Variants in CLVS1 observed in about 807,000 individuals in gnomAD.
CLVS1 encodes the protein clavesin-1.
Under a neutral mutation model 33.1 loss-of-function variants are expected in CLVS1, and 10 were observed. That is an observed-to-expected ratio of 0.30 (90% CI 0.19 to 0.51). CLVS1 has a LOEUF of 0.51. Ranked by LOEUF, CLVS1 falls within the 20% of genes least tolerant of loss-of-function variation. The pLI, the probability that CLVS1 is intolerant of heterozygous loss-of-function variation, is 0.97. For synonymous variants in CLVS1, 163 were observed against 166.1 expected (o/e 0.98, Z 0.14); for missense variants, 343 against 433.4 (o/e 0.79, Z 1.85).
At chr8:61,322,656 G>A (rs760744982) in intron 2 of CLVS1, among the ~76,000 whole-genome samples, 62 of 152,120 alleles carry the variant, frequency 4.1e-4, no homozygotes, top group Non-Finnish European at 4.7e-4. Context: ...AGATAGGGCA[G>A]CTCTTACTTT....
intron 1 of CLVS1, among the ~76,000 whole-genome samples, chr8:61,079,718 A>G (rs1032462616): frequency 6.6e-6 from 1 of 152,026 alleles, no homozygotes; most frequent in Non-Finnish European, 1.5e-5. Flanking sequence ...TAAAACATCT[A>G]CCTCTTCAAA....
chr8:61,453,806 C>T (rs1019535168), intron 3 of CLVS1, among the ~76,000 whole-genome samples: 1 of 152,082 alleles, frequency 6.6e-6, no homozygotes, highest in Non-Finnish European at 1.5e-5. Flanking sequence ...CGTTACCTAA[C>T]GCAATGAAGA....
intron 2 of CLVS1, among the ~76,000 whole-genome samples, chr8:61,274,810 G>A (rs1300104577): frequency 2.0e-5 from 3 of 152,136 alleles, no homozygotes; most frequent in African/African-American, 7.2e-5. Flanking sequence ...ATTAACACTT[G>A]TAGTTTCTTA....
the CLVS1 span, among the ~76,000 whole-genome samples, chr8:61,026,531 T>A: frequency 6.6e-6 from 1 of 152,282 alleles, no homozygotes; most frequent in Admixed American, 6.5e-5. Context: ...AGATGTGGTG[T>A]GCTTTGGGAA....
At chr8:61,175,008 G>C (rs1807087083) in intron 2 of CLVS1, among the ~76,000 whole-genome samples, 1 of 122,894 alleles carries the variant, frequency 8.1e-6, no homozygotes, top group African/African-American at 3.1e-5. Flanking sequence ...GAATTTTTTT[G>C]GTTGCTTCTG....
intron 1 of CLVS1, among the ~76,000 whole-genome samples, chr8:61,089,534 T>G (rs1805191026): frequency 6.6e-6 from 1 of 152,172 alleles, no homozygotes; most frequent in Non-Finnish European, 1.5e-5. Context: ...ATGGTTTGAT[T>G]ACTGCTTCTT....
At chr8:61,090,281 C>T (rs1805212912) in intron 1 of CLVS1, among the ~76,000 whole-genome samples, 1 of 152,182 alleles carries the variant, frequency 6.6e-6, no homozygotes, top group South Asian at 2.1e-4. Context: ...TGCTTTATAA[C>T]ACAGTCAAGT....
intron 1 of CLVS1, among the ~76,000 whole-genome samples, chr8:61,116,611 C>G (rs955187712): frequency 6.6e-6 from 1 of 152,006 alleles, no homozygotes; most frequent in African/African-American, 2.4e-5. Context: ...TTCCCAGCAC[C>G]ATTTATTAAA....
At chr8:60,973,244 T>A in the CLVS1 span, among the ~76,000 whole-genome samples, 4 of 152,264 alleles carry the variant, frequency 2.6e-5, no homozygotes, top group Non-Finnish European at 5.9e-5. Flanking sequence ...TTAGTGAGCA[T>A]GATTTTCATT....
intron 5 of CLVS1, among the ~76,000 whole-genome samples, chr8:61,495,825 C>T (rs1804247804): frequency 6.6e-6 from 1 of 152,136 alleles, no homozygotes; most frequent in South Asian, 2.1e-4. Flanking sequence ...TGAGGTCACA[C>T]CAGGAGTCTA....
intron 2 of CLVS1, among the ~76,000 whole-genome samples, chr8:61,365,836 G>A (rs1463974201): frequency 6.6e-6 from 1 of 151,988 alleles, no homozygotes; most frequent in Non-Finnish European, 1.5e-5. Flanking sequence ...TCATTAGACA[G>A]GAAGGCTGAG....
intron 1 of CLVS1, among the ~76,000 whole-genome samples, chr8:61,070,549 C>G (rs564763281): frequency 6.6e-6 from 1 of 152,320 alleles, no homozygotes; most frequent in African/African-American, 2.4e-5. Flanking sequence ...CTCCTCAATT[C>G]AGAGGCCTGG....
chr8:61,151,783 T>C (rs987209163), intron 2 of CLVS1, among the ~76,000 whole-genome samples: 67 of 152,122 alleles, frequency 4.4e-4, no homozygotes, highest in African/African-American at 1.4e-3. Context: ...CTGAAAGAAG[T>C]AGTTTCTAAT....
chr8:61,282,497 T>C (rs1809692302), intron 2 of CLVS1, among the ~76,000 whole-genome samples: 1 of 152,172 alleles, frequency 6.6e-6, no homozygotes, highest in Non-Finnish European at 1.5e-5. Context: ...GAACAGTGGG[T>C]TGGAGCATTG....
chr8:61,187,444 T>A (rs1048804996), intron 2 of CLVS1, among the ~76,000 whole-genome samples: 4 of 152,092 alleles, frequency 2.6e-5, no homozygotes, highest in African/African-American at 9.7e-5. Context: ...AGCCTTCAAA[T>A]CAAGTCATTT....
At chr8:60,994,940 T>C in the CLVS1 span, among the ~76,000 whole-genome samples, 20 of 151,904 alleles carry the variant, frequency 1.3e-4, 1 homozygote, top group Admixed American at 1.2e-3. Flanking sequence ...TAAATGGTGC[T>C]GGGAAAACTG....
intron 2 of CLVS1, among the ~76,000 whole-genome samples, chr8:61,209,556 G>T (rs1807929958): frequency 6.6e-6 from 1 of 152,206 alleles, no homozygotes; most frequent in Non-Finnish European, 1.5e-5. Flanking sequence ...CAGAAGAAGA[G>T]ACCAGTTTGA....
the CLVS1 span, among the ~76,000 whole-genome samples, chr8:61,015,471 A>G: frequency 6.6e-6 from 1 of 152,210 alleles, no homozygotes; most frequent in Non-Finnish European, 1.5e-5. Context: ...TGTGACTTGC[A>G]CAGTGTGTAG....
chr8:61,279,601 C>T (rs925894915), intron 2 of CLVS1, among the ~76,000 whole-genome samples: 2 of 145,692 alleles, frequency 1.4e-5, no homozygotes, highest in African/African-American at 5.2e-5. Flanking sequence ...ACCATAACTC[C>T]CCTCTGATGC....
Sources: gnomAD v4.1 joint callset for allele counts (sites outside exome capture counted in the v4.1 genomes callset) on GRCh38, gnomAD v4.1.1 for gene constraint, MANE v1.5 for transcripts, NCBI Gene and HGNC (gene_info 2026-07-23, HGNC 2026-07-21) for gene names.